GP6: variants seen among roughly 807,000 people sequenced by gnomAD.
GP6 encodes glycoprotein VI platelet, also known as platelet glycoprotein VI.
In GP6, 45 loss-of-function variants were observed where a neutral mutation model predicts 37.3. The ratio of observed to expected loss-of-function variants is 1.21; its 90% CI spans 0.95 to 1.55. The LOEUF (loss-of-function observed/expected upper bound fraction) is 1.55. Among genes scored for constraint, GP6 ranks in the 40% most tolerant of loss-of-function variants. The probability of loss-of-function intolerance (pLI) is 0.00; values close to 1 mark genes in which losing one functional copy is unlikely to be tolerated. For missense variants in GP6, 813 were observed against 760.2 expected, an observed-to-expected ratio of 1.07 and a Z score of -0.82; for synonymous variants, 340 against 316.4, an observed-to-expected ratio of 1.07 and a Z score of -0.79.
intron 5 of GP6, among the ~76,000 whole-genome samples, chr19:55,022,713 C>G (rs545911752): frequency 7.6e-4 from 116 of 152,250 alleles, no homozygotes; most frequent in African/African-American, 2.7e-3. Context: ...TATACACCAA[C>G]AATAGACAGG....
chr19:55,037,623 CTT>C (rs1179101360), intron 1 of GP6, among the ~76,000 whole-genome samples: 56 of 50,444 alleles, frequency 1.1e-3, no homozygotes, highest in East Asian at 3.0e-3. Context: ...GGCACTCAGC[CTT>C]TTTTTTTTTT....
Position 55,032,247 on chromosome 19 carries a change from G to A in GP6, c.217C>T (p.Leu73Phe), listed in dbSNP as rs2074587723. The A allele has an allele frequency of 2.5e-6, 4 of 1,614,050 alleles. No individual in the cohort carries two copies. In the South Asian group the frequency reaches 4.4e-5, roughly 18 times the overall value. The change falls in exon 3 of 8, where the codon CTC becomes TTC. Residue 73 changes from leucine to phenylalanine, a missense_variant. By Grantham distance (22) the Leu-to-Phe change is conservative. Coordinates refer to ENST00000310373, the MANE Select transcript of GP6 (RefSeq NM_001083899.2). ...CTTCTCTTCATGGCCGGGATGAAGA[G>A]GACTGCCTGATCCTGGTACCTGCTG...
At chr19:55,019,345 G>A (rs1051356450) in intron 5 of GP6, among the ~76,000 whole-genome samples, 27 of 151,914 alleles carry the variant, frequency 1.8e-4, no homozygotes, top group South Asian at 6.3e-4. Flanking sequence ...TCCTGACCTC[G>A]TGATCCACCC....
rs1568591799 is a variant in GP6, at chr19:55,015,714, G to A, written c.744C>T (p.Thr248=). 4.5e-6 allele frequency: 7 copies of A among 1,562,990 alleles called. No individual in the cohort carries two copies. The highest frequency in any genetic ancestry group is 1.7e-5 in the Admixed American group (1 of 59,920). ...GAGAGTCTGACTCCTTTGGACTGGC[G>A]GTGATACTCCTAGAAGTCTCTGGGA... The change falls in exon 7 of 8, where the codon ACC becomes ACT. Residue 248 remains threonine, a synonymous_variant. Transcript: ENST00000310373.
At chr19:55,017,568 A>T (rs1290716713) in intron 6 of GP6, among the ~76,000 whole-genome samples, 2 of 151,948 alleles carry the variant, frequency 1.3e-5, no homozygotes, top group African/African-American at 4.8e-5. Context: ...GAGTCAGGAG[A>T]GGTTAGGAAG....
At position 55,022,642 on chromosome 19, in the gene GP6, A is replaced by G. The variant is rs558582660; in HGVS notation, c.664+2576T>C. ...CTCAGCCCAAAAGTTTCTTAAGCTGATAAGCAACTTCAGCAAAGTCTCAGG... is the reference window on the plus strand; with the variant it reads ...CTCAGCCCAAAAGTTTCTTAAGCTGGTAAGCAACTTCAGCAAAGTCTCAGG... On this transcript the variant is annotated intron_variant, in intron 5 of 7. Transcript: ENST00000310373. Among the ~76,000 whole-genome samples, 225 of 152,372 alleles carry G rather than the reference A, an allele frequency of 1.5e-3. 2 individuals are homozygous for G. The highest frequency in any genetic ancestry group is 5.2e-3 in the African/African-American group (218 of 41,586).
chr19:55,016,748 A>G (rs925485636), intron 6 of GP6, among the ~76,000 whole-genome samples: 4 of 151,864 alleles, frequency 2.6e-5, no homozygotes, highest in African/African-American at 9.7e-5. Flanking sequence ...ATGGGAACCC[A>G]AATATTAATA....
At chr19:55,021,916 CT>C (rs969541977) in intron 5 of GP6, among the ~76,000 whole-genome samples, 4 of 151,522 alleles carry the variant, frequency 2.6e-5, no homozygotes, top group African/African-American at 4.8e-5. Flanking sequence ...TGATGTTGAG[CT>C]TTTTTTTGTA....
At chr19:55,033,040 A>G (rs78084635) in intron 1 of GP6, among the ~76,000 whole-genome samples, 107 of 7,802 alleles carry the variant, frequency 0.014, 9 homozygotes, top group Admixed American at 0.022. Context: ...GACACGGTGG[A>G]CTCGTTCGTG....
At chr19:55,021,707 A>C (rs2074093936) in intron 5 of GP6, among the ~76,000 whole-genome samples, 1 of 151,834 alleles carries the variant, frequency 6.6e-6, no homozygotes, top group Non-Finnish European at 1.5e-5. Flanking sequence ...TTTTTAATAG[A>C]GACGGGGTTT....
chr19:55,035,317 A>G (rs996859232), intron 1 of GP6, among the ~76,000 whole-genome samples: 2 of 152,168 alleles, frequency 1.3e-5, no homozygotes, highest in Non-Finnish European at 1.5e-5. Flanking sequence ...AGAGGAGGAC[A>G]GTTTCAGTTG....
At chr19:55,027,997 A>G in intron 3 of GP6, 135 bp from the exon 4 acceptor site, 1 of 847,844 alleles carries the variant, frequency 1.2e-6, no homozygotes, top group Non-Finnish European at 2.0e-6. Context: ...TCCCCCACCC[A>G]AGCTCACAGA....
intron 4 of GP6, among the ~76,000 whole-genome samples, chr19:55,026,372 ATTG>A (rs1010749882): frequency 1.3e-5 from 2 of 152,076 alleles, no homozygotes; most frequent in Non-Finnish European, 2.9e-5. Context: ...AACAACCACC[ATTG>A]TACTTTGTGT....
Position 55,027,746 on chromosome 19 carries a change from C to G in GP6, c.442G>C (p.Glu148Gln). Residue 148 changes from glutamate to glutamine, a missense_variant, in exon 4 of 8, where the codon GAA becomes CAA. Glu to Gln is a conservative substitution (Grantham distance 29). Coordinates refer to ENST00000310373, the MANE Select transcript of GP6 (RefSeq NM_001083899.2). ...TTCTTGTAGGGCGCAGGGTCCCCTTCCTTGTACAGAGCAAATTGGTCAAAG... is the reference window on the plus strand; with the variant it reads ...TTCTTGTAGGGCGCAGGGTCCCCTTGCTTGTACAGAGCAAATTGGTCAAAG... The G allele has an allele frequency of 1.2e-6, 2 of 1,613,976 alleles. No individual in the cohort carries two copies. Among genetic ancestry groups the G allele is most frequent in the Non-Finnish European group, 8.5e-7 (1 of 1,179,808 alleles).
At chr19:55,033,941 A>G (rs1187961834) in intron 1 of GP6, among the ~76,000 whole-genome samples, 5 of 152,088 alleles carry the variant, frequency 3.3e-5, no homozygotes, top group Admixed American at 3.3e-4. Flanking sequence ...ATCGTTTCAA[A>G]TAGCCTGAAG....
At chr19:55,037,751 C>T (rs1459527962) in intron 1 of GP6, among the ~76,000 whole-genome samples, 1 of 149,974 alleles carries the variant, frequency 6.7e-6, no homozygotes, top group East Asian at 2.0e-4. Context: ...CCCACCTCAG[C>T]CTCCCACGTA....
rs1336899622 is a variant in GP6, at chr19:55,015,047, C to T, written c.898G>A (p.Ala300Thr). Residue 300 changes from alanine (A) to threonine (T), a missense_variant, in exon 8 of 8, where the codon GCG (alanine) becomes ACG (threonine). Ala to Thr is a moderately conservative substitution (Grantham distance 58). Transcript: ENST00000310373. Reference sequence around the variant, plus strand: ...TCTGCACAGCCCTGCCCCTGTGCCGCAGGCGCTTCCTCCGGCTGTGCCAGT... The same window carrying T: ...TCTGCACAGCCCTGCCCCTGTGCCGTAGGCGCTTCCTCCGGCTGTGCCAGT... 2 of 1,608,738 alleles carry T rather than the reference C, an allele frequency of 1.2e-6. No individual in the cohort carries two copies. Among genetic ancestry groups the T allele is most frequent in the East Asian group, 2.2e-5 (1 of 44,608 alleles).
intron 6 of GP6, among the ~76,000 whole-genome samples, chr19:55,016,128 C>T (rs921646118): frequency 6.6e-6 from 1 of 150,542 alleles, no homozygotes; most frequent in Non-Finnish European, 1.5e-5. Flanking sequence ...GGAAACAGAG[C>T]GAGACCCTGT....
chr19:55,027,946 GCTGGGGAGCTTTTTGGCTGTAT>G (rs2074376982), intron 3 of GP6, 84 bp from the exon 4 acceptor site: 2 of 1,392,438 alleles, frequency 1.4e-6, no homozygotes, highest in African/African-American at 2.8e-5. Context: ...CTGCCTAAGA[GCTGGGGAGCTTTTTGGCTGTAT>G]CCCTCCCAGA....
Sources: allele counts gnomAD v4.1 joint callset (sites outside exome capture counted in the v4.1 genomes callset), GRCh38; gene constraint gnomAD v4.1.1; transcripts MANE v1.5; gene names NCBI Gene and HGNC (gene_info 2026-07-23, HGNC 2026-07-21).